ASCC3: variants seen among roughly 807,000 people sequenced by gnomAD.
The protein encoded by ASCC3 is activating signal cointegrator 1 complex subunit 3.
A neutral mutation model predicts 256.3 loss-of-function variants in ASCC3; 158 were observed. The observed-to-expected ratio is 0.62, with a 90% CI of 0.54 to 0.70. The LOEUF is 0.70. Ranked by LOEUF, ASCC3 falls within the 30% of genes least tolerant of loss-of-function variation. The pLI is 0.00. For synonymous variants in ASCC3, 948 were observed against 883.4 expected, an observed-to-expected ratio of 1.07 and a Z score of -1.30; for missense variants, 2,259 against 2,626.0, an observed-to-expected ratio of 0.86 and a Z score of 3.05.
At chr6:100,638,933 A>G in intron 24 of ASCC3, 112 bp from the exon 25 acceptor site, 2 of 921,152 alleles carry the variant, frequency 2.2e-6, no homozygotes. Flanking sequence ...GACAAGGAGA[A>G]AAAACACAAA....
chr6:100,845,787 T>C (rs987426389), intron 4 of ASCC3, among the ~76,000 whole-genome samples: 1 of 152,160 alleles, frequency 6.6e-6, no homozygotes, highest in African/African-American at 2.4e-5. Context: ...CATAAAGGTC[T>C]TTTTAAAAAA....
At position 100,849,469 on chromosome 6, in the gene ASCC3, C is replaced by T. The variant is rs189485597; in HGVS notation, c.242-762G>A. ...AATTTGTACCATAAACCTGAGATGG[C>T]AAGAAATACTTCTATAGTTCTCATT... On this transcript the variant is annotated intron_variant, in intron 3 of 41. Coordinates refer to ENST00000369162, the MANE Select transcript of ASCC3 (RefSeq NM_006828.4). Among the ~76,000 whole-genome samples the T allele has an allele frequency of 5.3e-5, 8 of 152,130 alleles. No individual in the cohort carries two copies. The East Asian group carries it at 1.2e-3, about 22-fold the overall frequency.
intron 10 of ASCC3, among the ~76,000 whole-genome samples, chr6:100,743,670 C>G (rs954139898): frequency 3.9e-5 from 6 of 152,190 alleles, no homozygotes; most frequent in Admixed American, 3.9e-4. Flanking sequence ...ATTCTTAGAG[C>G]CTCATTTATC....
At chr6:100,714,021 T>C (rs1394722747) in intron 13 of ASCC3, among the ~76,000 whole-genome samples, 1 of 152,084 alleles carries the variant, frequency 6.6e-6, no homozygotes, top group Admixed American at 6.5e-5. Context: ...ACACTACAAA[T>C]AAAACCTCAC....
chr6:100,809,643 AC>A (rs1399898320), intron 4 of ASCC3, among the ~76,000 whole-genome samples: 1 of 152,122 alleles, frequency 6.6e-6, no homozygotes, highest in Admixed American at 6.6e-5. Flanking sequence ...GTACTCAATA[AC>A]TTTTAAGAGC....
At chr6:100,697,251 A>T (rs1778133567) in intron 13 of ASCC3, among the ~76,000 whole-genome samples, 1 of 152,032 alleles carries the variant, frequency 6.6e-6, no homozygotes, top group African/African-American at 2.4e-5. Flanking sequence ...AAAAAAAAAT[A>T]GTACCTAGTT....
intron 8 of ASCC3, among the ~76,000 whole-genome samples, chr6:100,788,681 T>C (rs904098413): frequency 3.9e-5 from 6 of 152,020 alleles, no homozygotes; most frequent in Admixed American, 3.9e-4. Context: ...TGTATTACAT[T>C]AAGTGACAGA....
At chr6:100,644,429 T>C (rs1043949698) in intron 22 of ASCC3, among the ~76,000 whole-genome samples, 2 of 152,102 alleles carry the variant, frequency 1.3e-5, no homozygotes, top group South Asian at 4.1e-4. Flanking sequence ...AATAAAATCA[T>C]ATAATATGCA....
intron 37 of ASCC3, among the ~76,000 whole-genome samples, chr6:100,529,872 T>C (rs970035426): frequency 6.6e-6 from 1 of 152,084 alleles, no homozygotes; most frequent in African/African-American, 2.4e-5. Flanking sequence ...AGAAAATGGG[T>C]CAATTAAATG....
intron 3 of ASCC3, among the ~76,000 whole-genome samples, chr6:100,849,585 G>A (rs938287982): frequency 6.6e-6 from 1 of 152,098 alleles, no homozygotes; most frequent in Admixed American, 6.5e-5. Flanking sequence ...CTGTTTAAAA[G>A]AGGCTAGAAG....
At chr6:100,876,415 G>C (rs1449092803) in intron 1 of ASCC3, among the ~76,000 whole-genome samples, 1 of 152,162 alleles carries the variant, frequency 6.6e-6, no homozygotes, top group Non-Finnish European at 1.5e-5. Flanking sequence ...ACAATTTAAG[G>C]TGGCAATAAT....
chr6:100,584,276 T>C lies in ASCC3; in HGVS notation c.5550+5358A>G, dbSNP rs1300120323. Among the ~76,000 whole-genome samples the C allele has an allele frequency of 5.9e-5, 9 of 151,534 alleles. 1 individual carries two copies. The highest frequency in any genetic ancestry group is 5.4e-4 in the Admixed American group (8 of 14,788). On this transcript the variant is annotated intron_variant, in intron 36 of 41. Coordinates refer to ENST00000369162, the MANE Select transcript of ASCC3 (RefSeq NM_006828.4). ...CCTTATGAATCTGGGTGCTCCTGTA[T>C]TGGGTGCATATATATTTAGGATAGT...
chr6:100,583,614 T>A (rs1297907068), intron 36 of ASCC3, among the ~76,000 whole-genome samples: 1 of 152,222 alleles, frequency 6.6e-6, no homozygotes, highest in East Asian at 1.9e-4. Flanking sequence ...TTTAGTTATT[T>A]CTTGCCTTCT....
chr6:100,640,423 T>C (rs1050937892), intron 24 of ASCC3, among the ~76,000 whole-genome samples: 1 of 152,102 alleles, frequency 6.6e-6, no homozygotes, highest in African/African-American at 2.4e-5. Context: ...TGGTGGTACA[T>C]TTATTGTTTT....
chr6:100,567,019 C>A (rs1176120521), intron 36 of ASCC3, among the ~76,000 whole-genome samples: 1 of 152,120 alleles, frequency 6.6e-6, no homozygotes, highest in Non-Finnish European at 1.5e-5. Flanking sequence ...GTCTTTAACT[C>A]AGTTAATCAC....
rs775936339 is a variant in ASCC3 at position 100,629,128 on chromosome 6, G to C, written c.4262C>G (p.Ala1421Gly). 3.7e-6 allele frequency: 6 copies of C among 1,613,776 alleles called. No individual in the cohort carries two copies. Among genetic ancestry groups the C allele is most frequent in the South Asian group, 1.1e-5 (1 of 91,058 alleles). Residue 1421 changes from alanine (A) to glycine (G), a missense_variant, in exon 27 of 42, where the codon GCT becomes GGT. Transcript: ENST00000369162. ...CTCTGGCGTAGTGACGATAAGGTCA[G>C]CCTTGGCAATGGATTTCATATCAGG... Reference protein sequence around the residue: ...VTPDMKSIAKADLIVTTPEKW... With the variant: ...VTPDMKSIAKGDLIVTTPEKW...
chr6:100,818,885 T>C (rs142865803), intron 4 of ASCC3, among the ~76,000 whole-genome samples: 26 of 151,758 alleles, frequency 1.7e-4, no homozygotes, highest in African/African-American at 6.3e-4. Flanking sequence ...AAAAATCAAT[T>C]GTATTTCTAT....
At chr6:100,826,980 A>T (rs1472625681) in intron 4 of ASCC3, among the ~76,000 whole-genome samples, 1 of 152,248 alleles carries the variant, frequency 6.6e-6, no homozygotes, top group Non-Finnish European at 1.5e-5. Context: ...CATTTTAAGT[A>T]ATCAACAGCC....
At chr6:100,634,450 C>A (rs150305462) in intron 25 of ASCC3, among the ~76,000 whole-genome samples, 3 of 152,212 alleles carry the variant, frequency 2.0e-5, no homozygotes, top group Admixed American at 6.5e-5. Context: ...AGGCATCCAT[C>A]GGGGTTTTGG....
Sources: allele counts gnomAD v4.1 joint callset (sites outside exome capture counted in the v4.1 genomes callset), GRCh38; gene constraint gnomAD v4.1.1; transcripts MANE v1.5; gene names NCBI Gene and HGNC (gene_info 2026-07-23, HGNC 2026-07-21).